Variants in PTPN14 observed in about 807,000 individuals in gnomAD.
PTPN14 encodes tyrosine-protein phosphatase non-receptor type 14.
In PTPN14, 53 loss-of-function variants were observed where a neutral mutation model predicts 126.8. That is an observed-to-expected ratio of 0.42 (90% confidence interval 0.34 to 0.53). The LOEUF is 0.53. PTPN14 is among the 20% of genes least tolerant of loss of function. The pLI, the probability that PTPN14 is intolerant of heterozygous loss-of-function variation, is 0.08. For synonymous variants in PTPN14, 630 were observed against 599.3 expected, an observed-to-expected ratio of 1.05 and a Z score of -0.75; for missense variants, 1,257 against 1,552.9, an observed-to-expected ratio of 0.81 and a Z score of 3.20.
chr1:214,384,448 G>A lies in PTPN14; in HGVS notation c.1407C>T (p.Leu469=), dbSNP rs1658559562. The A allele has an allele frequency of 6.2e-7, 1 of 1,614,142 alleles. No individual in the cohort carries two copies. The highest frequency in any genetic ancestry group is 8.5e-7 in the Non-Finnish European group (1 of 1,180,022). ...TDSQSQSLRN[L]NIINTHAYNQ... is the part of the protein sequence containing the mutation. ...TGTAGGCATGGGTGTTGATAATGTT[G>A]AGGTTTCTCAGAGACTGGCTCTGGC... The change falls in exon 13 of 19, where the codon CTC becomes CTT. Residue 469 remains leucine, a synonymous_variant. Transcript: ENST00000366956. This position sits in a 1 kb window ranked among gnomAD's most constrained non-coding sequence, Gnocchi z 5.3.
chr1:214,517,519 C>T (rs967797779), intron 1 of PTPN14, among the ~76,000 whole-genome samples: 3 of 150,206 alleles, frequency 2.0e-5, no homozygotes, highest in African/African-American at 7.4e-5. Context: ...TAAGAAATAC[C>T]CAAAAATCTA....
At chr1:214,459,454 A>T in intron 2 of PTPN14, among the ~76,000 whole-genome samples, 1 of 144,440 alleles carries the variant, frequency 6.9e-6, no homozygotes, top group African/African-American at 2.6e-5. Context: ...TGCCCAGCTG[A>T]TCCCCACTCT....
chr1:214,486,504 C>T lies in PTPN14; in HGVS notation c.-154-21547G>A, dbSNP rs571011174. Among the ~76,000 whole-genome samples the T allele has an allele frequency of 5.9e-5, 9 of 152,260 alleles. No individual in the cohort carries two copies. The East Asian group carries it at 1.7e-3, about 29-fold the overall frequency. ...AATGGAAATATAACTTACAGCTCAC[C>T]GCCTGCTGACAGTGTTGTATAAAAC... On this transcript the variant is annotated intron_variant, in intron 1 of 18. Transcript: ENST00000366956.
Position 214,527,320 on chromosome 1 carries a change from T to C in PTPN14, c.-155+23863A>G, listed in dbSNP as rs543423023. ...CTCCCTGTTCCAGAACTTGATCTTA[T>C]GCATTCGATCAGGAGTAACCAATGC... is the stretch of plus-strand genomic sequence containing the variant. On this transcript the variant is annotated intron_variant, in intron 1 of 18. Coordinates refer to ENST00000366956, the MANE Select transcript of PTPN14 (RefSeq NM_005401.5). Among the ~76,000 whole-genome samples, 76 of 152,186 alleles carry C rather than the reference T, an allele frequency of 5.0e-4. 1 individual carries two copies. The highest frequency in any genetic ancestry group is 9.6e-4 in the Non-Finnish European group (65 of 68,044).
At chr1:214,386,629 C>T (rs998551829) in intron 12 of PTPN14, among the ~76,000 whole-genome samples, 15 of 152,138 alleles carry the variant, frequency 9.9e-5, no homozygotes, top group African/African-American at 3.4e-4. Flanking sequence ...GCCTTGGCCC[C>T]GACTCCCTGA....
chr1:214,512,546 G>A (rs149949567), intron 1 of PTPN14, among the ~76,000 whole-genome samples: 168 of 152,204 alleles, frequency 1.1e-3, no homozygotes, highest in African/African-American at 3.5e-3. Context: ...AGGGGCTGAG[G>A]GCAGGAGAAA....
intron 3 of PTPN14, among the ~76,000 whole-genome samples, chr1:214,443,492 T>C (rs1660078527): frequency 6.6e-6 from 1 of 152,102 alleles, no homozygotes; most frequent in Non-Finnish European, 1.5e-5. Context: ...CTTTTTCTCT[T>C]TGATCACACC....
intron 1 of PTPN14, among the ~76,000 whole-genome samples, chr1:214,549,528 C>G (rs1656052925): frequency 6.6e-6 from 1 of 152,180 alleles, no homozygotes; most frequent in South Asian, 2.1e-4. Context: ...CATTCAGCTC[C>G]CGCTCATTAA....
rs565150898 is a variant in PTPN14 at position 214,354,497 on chromosome 1, T to C, written c.*3425A>G. ...TGTAAATGCTACCAGATACTCTTGC[T>C]AAAAGATGGTATATCCAGTATATCC... On this transcript the variant is annotated 3_prime_UTR_variant, in exon 19 of 19. Coordinates refer to ENST00000366956, the MANE Select transcript of PTPN14 (RefSeq NM_005401.5). 3 of 152,332 alleles carry C rather than the reference T, an allele frequency of 2.0e-5. No individual in the cohort carries two copies. Among genetic ancestry groups the C allele is most frequent in the African/African-American group, 7.2e-5 (3 of 41,572 alleles). 9.4% of individuals were successfully genotyped at this position (152,332 alleles called of 1,614,324 possible). A position where few individuals can be genotyped will look rare whatever the true frequency, so the allele number is the denominator to read the frequency against.
chr1:214,533,372 C>G (rs954509949), intron 1 of PTPN14: 2 of 463,944 alleles, frequency 4.3e-6, no homozygotes, highest in African/African-American at 2.0e-5. Context: ...TGATGGACAG[C>G]AGCAACTCCA....
intron 3 of PTPN14, among the ~76,000 whole-genome samples, chr1:214,447,020 A>ATCAT (rs1219809911): frequency 6.6e-6 from 1 of 152,248 alleles, no homozygotes; most frequent in African/African-American, 2.4e-5. Context: ...TCTGCAGGGC[A>ATCAT]TCACAAAGAC....
chr1:214,492,250 C>A (rs1473813557), intron 1 of PTPN14, among the ~76,000 whole-genome samples: 1 of 151,992 alleles, frequency 6.6e-6, no homozygotes, highest in African/African-American at 2.4e-5. Flanking sequence ...TCCCTGCCCC[C>A]CAAAAGGCAG....
chr1:214,470,822 G>C (rs1347975165), intron 1 of PTPN14, among the ~76,000 whole-genome samples: 1 of 135,038 alleles, frequency 7.4e-6, no homozygotes, highest in Non-Finnish European at 1.5e-5. Context: ...GTGCCCAACC[G>C]GGCCAACATG....
intron 1 of PTPN14, among the ~76,000 whole-genome samples, chr1:214,499,249 G>A (rs576610196): frequency 2.8e-4 from 42 of 152,040 alleles, no homozygotes; most frequent in African/African-American, 3.9e-4. Context: ...GTCTGTGCAC[G>A]TAACAGAAAA....
intron 7 of PTPN14, 41 bp from the exon 8 acceptor site, chr1:214,398,042 TC>T: frequency 6.9e-7 from 1 of 1,446,742 alleles, no homozygotes; most frequent in African/African-American, 1.4e-5. Flanking sequence ...TGACCCATGT[TC>T]ACTGCAACAT....
At position 214,383,854 on chromosome 1, in the gene PTPN14, G is replaced by T; in HGVS notation, c.2001C>A (p.Arg667=). 1 of 1,612,674 alleles carries T rather than the reference G, an allele frequency of 6.2e-7. No individual in the cohort carries two copies. Among genetic ancestry groups the T allele is most frequent in the Non-Finnish European group, 8.5e-7 (1 of 1,180,004 alleles). ...GTCCCTGCTCCCGGAGCGTGTTGCGGCGAGCCATGGGGAGGTGGAGCGACT... is the reference window on the plus strand; with the variant it reads ...GTCCCTGCTCCCGGAGCGTGTTGCGTCGAGCCATGGGGAGGTGGAGCGACT... ...TLKSLHLPMA[R]RNTLREQGPP... Residue 667 remains arginine (R), a synonymous_variant, in exon 13 of 19, where the codon CGC becomes CGA. Coordinates refer to ENST00000366956, the MANE Select transcript of PTPN14 (RefSeq NM_005401.5). This position sits in a 1 kb window ranked among gnomAD's most constrained non-coding sequence, Gnocchi z 4.4.
At chr1:214,478,088 T>C (rs549017334) in intron 1 of PTPN14, among the ~76,000 whole-genome samples, 1 of 152,318 alleles carries the variant, frequency 6.6e-6, no homozygotes, top group African/African-American at 2.4e-5. Flanking sequence ...GCACTATAAT[T>C]AGCACTGACT....
intron 1 of PTPN14, among the ~76,000 whole-genome samples, chr1:214,468,708 T>C (rs1178354693): frequency 3.3e-5 from 5 of 152,308 alleles, no homozygotes; most frequent in African/African-American, 7.2e-5. Flanking sequence ...TTTTAGGTTT[T>C]CTATATACCT....
chr1:214,481,906 G>C (rs1296700187), intron 1 of PTPN14, among the ~76,000 whole-genome samples: 1 of 150,998 alleles, frequency 6.6e-6, no homozygotes, highest in Non-Finnish European at 1.5e-5. Context: ...AGAATGGCGT[G>C]AACCCAGGAG....
Sources: allele counts gnomAD v4.1 joint callset (sites outside exome capture counted in the v4.1 genomes callset), GRCh38; gene constraint gnomAD v4.1.1; non-coding constraint Gnocchi (gnomAD v3.1); transcripts MANE v1.5; gene names NCBI Gene and HGNC (gene_info 2026-07-23, HGNC 2026-07-21).